The following NPC1 variants were observed in gnomAD, a reference collection of about 807,000 sequenced individuals.
NPC1 encodes the protein Niemann-Pick C1 protein.
NPC1 carries 85 observed loss-of-function variants against 140.4 expected under a neutral mutation model. The observed-to-expected ratio is 0.61, with a 90% CI of 0.51 to 0.72. The LOEUF (loss-of-function observed/expected upper bound fraction) is 0.72, where lower values mean the gene tolerates loss of function less well. NPC1 is among the 30% of genes least tolerant of loss of function. The pLI is 0.00. For missense variants in NPC1, 1,504 were observed against 1,623.8 expected (o/e 0.93, Z 1.27); for synonymous variants, 656 against 624.8 (o/e 1.05, Z -0.74).
chr18:23,550,867 C>A (rs1265261769), intron 10 of NPC1, among the ~76,000 whole-genome samples: 1 of 152,150 alleles, frequency 6.6e-6, no homozygotes, highest in African/African-American at 2.4e-5. Flanking sequence ...TCAATTGTTT[C>A]CCCTATGGCT....
downstream of NPC1, chr18:23,530,307 A>G (rs2058452466): frequency 6.2e-7 from 1 of 1,614,170 alleles, no homozygotes. Context: ...GGTAACTCTG[A>G]TGTGTGAGGT....
intron 4 of NPC1, among the ~76,000 whole-genome samples, chr18:23,568,473 T>G (rs2059157185): frequency 6.6e-6 from 1 of 152,220 alleles, no homozygotes; most frequent in East Asian, 1.9e-4. Flanking sequence ...TGCCAACTAT[T>G]AACAGTTCTA....
intron 1 of NPC1, among the ~76,000 whole-genome samples, chr18:23,576,229 C>A (rs754428541): frequency 6.6e-6 from 1 of 151,240 alleles, no homozygotes; most frequent in African/African-American, 2.4e-5. Flanking sequence ...TCTCAAAAAA[C>A]AAACAAAAAA....
intron 1 of NPC1, chr18:23,524,065 A>AT (rs1289981550): frequency 7.9e-6 from 12 of 1,516,308 alleles, no homozygotes; most frequent in Admixed American, 1.7e-5. Flanking sequence ...CTTTTGTGTC[A>AT]TAAGTACCAG....
chr18:23,529,960 G>C, downstream of NPC1: 1 of 1,405,230 alleles, frequency 7.1e-7, no homozygotes, highest in Non-Finnish European at 1.0e-6. Flanking sequence ...CCAGTCCTTG[G>C]GGAGCCTCTA....
rs975028629 is a variant in NPC1 at position 23,586,498 on chromosome 18, G to C, written c.-155C>G. On this transcript the variant is annotated 5_prime_UTR_variant, in exon 1 of 25. Transcript: ENST00000269228. ...CCGCGGCAGCAGGCTGCGCGCGCCGGTCAGGAAGGAAGAAGGCGTCGTCGG... is the reference window on the plus strand; with the variant it reads ...CCGCGGCAGCAGGCTGCGCGCGCCGCTCAGGAAGGAAGAAGGCGTCGTCGG... 7.1e-7 allele frequency: 1 copy of C among 1,415,484 alleles called. No individual in the cohort carries two copies. Among genetic ancestry groups the C allele is most frequent in the Admixed American group, 2.9e-5 (1 of 33,920 alleles). The allele number at this position is 1,415,484 out of a possible 1,614,324, so 87.7% of individuals were successfully genotyped here. A position where few individuals can be genotyped will look rare whatever the true frequency, so the allele number is the denominator to read the frequency against.
chr18:23,575,838 GCA>G (rs1762193597), intron 1 of NPC1, among the ~76,000 whole-genome samples: 1 of 139,586 alleles, frequency 7.2e-6, no homozygotes, highest in African/African-American at 2.6e-5. Flanking sequence ...TATAATCCCA[GCA>G]CTTTGGGAAG....
downstream of NPC1, chr18:23,529,027 G>A (rs1302648409): frequency 1.7e-5 from 22 of 1,266,144 alleles, no homozygotes; most frequent in Non-Finnish European, 1.6e-5. Context: ...TTACAGGCAT[G>A]CGCACAGGAA....
chr18:23,556,689 T>C (rs761715122), intron 7 of NPC1, 76 bp from the exon 8 acceptor site: 5 of 1,581,468 alleles, frequency 3.2e-6, no homozygotes, highest in Non-Finnish European at 4.3e-6. Context: ...AGGGAAAGCA[T>C]TAGTTGCTAT....
chr18:23,530,057 C>A (rs2145301317), downstream of NPC1: 1 of 1,614,184 alleles, frequency 6.2e-7, no homozygotes, highest in African/African-American at 1.3e-5. Context: ...TTATCAAAAC[C>A]CTTGTCCAGC....
intron 23 of NPC1, chr18:23,533,748 C>T (rs564777306): frequency 4.6e-5 from 24 of 516,850 alleles, no homozygotes; most frequent in South Asian, 2.8e-4. Flanking sequence ...GCAAGTGGTC[C>T]GCCAGCCTTG....
Position 23,560,299 on chromosome 18 carries a change from G to A in NPC1, c.813C>T (p.Ile271=), listed in dbSNP as rs1243631694. ...AAAACGCCATGTAGGTGATCCACAT[G>A]ATGACATACATGGCGTCCAAGCCAA... ...TILGLDAMYV[I]MWITYMAFLL... Residue 271 remains isoleucine (I), a synonymous_variant, in exon 6 of 25, where the codon ATC becomes ATT. Coordinates refer to ENST00000269228, the MANE Select transcript of NPC1 (RefSeq NM_000271.5). 5 of 1,614,098 alleles carry A rather than the reference G, an allele frequency of 3.1e-6. No homozygotes were observed. In the African/African-American group the frequency reaches 5.3e-5, roughly 17 times the overall value.
intron 1 of NPC1, among the ~76,000 whole-genome samples, chr18:23,581,279 T>C (rs1395945738): frequency 6.6e-6 from 1 of 152,212 alleles, no homozygotes; most frequent in Non-Finnish European, 1.5e-5. Flanking sequence ...TACGGACTAC[T>C]GGAAGAGCCA....
Position 23,561,375 on chromosome 18 carries a change from T to A in NPC1, c.616A>T (p.Thr206Ser), listed in dbSNP as rs763063650. The A allele has an allele frequency of 6.2e-7, 1 of 1,613,730 alleles. No individual in the cohort carries two copies. The highest frequency in any genetic ancestry group is 1.1e-5 in the South Asian group (1 of 91,074). ...KDNGQAPFTITPVFSDFPVHG... is the reference protein window; with the variant it reads ...KDNGQAPFTISPVFSDFPVHG... ...TTATACCTACCTGAAAACACAGGAGTGATGGTAAAAGGTGCCTGTCCATTG... is the reference window on the plus strand; with the variant it reads ...TTATACCTACCTGAAAACACAGGAGAGATGGTAAAAGGTGCCTGTCCATTG... Residue 206 changes from threonine to serine, a missense_variant, in exon 5 of 25, where the codon ACT (threonine) becomes TCT (serine). Coordinates refer to ENST00000269228, the MANE Select transcript of NPC1 (RefSeq NM_000271.5).
At chr18:23,522,554 C>A (rs1415197862) in exon 2 of NPC1, 1 of 152,390 alleles carries the variant, frequency 6.6e-6, no homozygotes, top group Non-Finnish European at 1.5e-5. Context: ...CATTCTTCTT[C>A]TTCCTCTTAA....
intron 4 of NPC1, among the ~76,000 whole-genome samples, chr18:23,567,778 T>C (rs1036104472): frequency 1.3e-5 from 2 of 152,210 alleles, no homozygotes; most frequent in African/African-American, 2.4e-5. Context: ...TTTGAAACGA[T>C]TGTACCAAAT....
In NPC1 at chr18:23,543,332, GAAAAAAA is replaced by G. The variant is rs34563465; in HGVS notation, c.2245+116_2245+122del. 9 of 422,378 alleles carry G rather than the reference GAAAAAAA, an allele frequency of 2.1e-5. No individual in the cohort carries two copies. In the African/African-American group the frequency reaches 2.2e-4, roughly 10 times the overall value. The allele number at this position is 422,378 out of a possible 1,614,324, so 26.2% of individuals were successfully genotyped here. On this transcript the variant is annotated intron_variant, in intron 14 of 24. Transcript: ENST00000269228. Reference sequence around the variant, plus strand: ...TGGCAGAGTGAGACTCCGTCTCAGAGAAAAAAAAAAAAAAGAAAAAAAAAAAAAGGAA... The same window carrying G: ...TGGCAGAGTGAGACTCCGTCTCAGAGAAAAAAAGAAAAAAAAAAAAAGGAA...
At chr18:23,511,310 G>A (rs1038738379) in intron 3 of NPC1, among the ~76,000 whole-genome samples, 2 of 152,106 alleles carry the variant, frequency 1.3e-5, no homozygotes, top group African/African-American at 2.4e-5. Flanking sequence ...CAACAGACAC[G>A]GGGGGCTACT....
intron 23 of NPC1, 62 bp from the exon 24 acceptor site, chr18:23,533,579 T>C: frequency 6.7e-7 from 1 of 1,494,428 alleles, no homozygotes; most frequent in South Asian, 1.1e-5. Flanking sequence ...ACAAAAACAC[T>C]TCCTTACAAG....
Sources: gnomAD v4.1 joint callset for allele counts (sites outside exome capture counted in the v4.1 genomes callset) on GRCh38, gnomAD v4.1.1 for gene constraint, MANE v1.5 for transcripts, NCBI Gene and HGNC (gene_info 2026-07-23, HGNC 2026-07-21) for gene names.